The following FBXL6 variants were observed in gnomAD, a reference collection of about 807,000 sequenced individuals.
FBXL6 encodes F-box and leucine rich repeat protein 6.
FBXL6 carries 50 observed loss-of-function variants against 53.3 expected under a neutral mutation model. The observed-to-expected ratio is 0.94, with a 90% CI of 0.75 to 1.19. The LOEUF is 1.19. Ranked by LOEUF, FBXL6 falls within the 50% of genes most tolerant of loss-of-function variation. FBXL6 has a pLI of 0.00. For synonymous variants in FBXL6, 405 were observed against 322.9 expected, an observed-to-expected ratio of 1.25 and a Z score of -2.73; for missense variants, 815 against 719.0, an observed-to-expected ratio of 1.13 and a Z score of -1.53.
intron 2 of FBXL6, 44 bp from the exon 3 acceptor site, chr8:144,357,546 G>A: frequency 3.7e-6 from 6 of 1,612,572 alleles, no homozygotes; most frequent in Admixed American, 1.7e-5. Flanking sequence ...GTTCCCACAC[G>A]AGTCCTTCCC....
chr8:144,356,949 G>A (rs564523873), intron 4 of FBXL6, 34 bp from the exon 5 acceptor site: 39 of 1,613,088 alleles, frequency 2.4e-5, no homozygotes, highest in African/African-American at 1.2e-4. Context: ...CCGTCACCCC[G>A]GCCTGGGTTT....
Position 144,357,664 on chromosome 8 carries a change from T to C in FBXL6, c.539A>G (p.Lys180Arg). 1 of 1,610,810 alleles carries C rather than the reference T, an allele frequency of 6.2e-7. No homozygotes were observed. Among genetic ancestry groups the C allele is most frequent in the Non-Finnish European group, 8.5e-7 (1 of 1,178,666 alleles). The change falls in exon 2 of 9, where the codon AAG (lysine) becomes AGG (arginine). Residue 180 changes from lysine to arginine, a missense_variant. Transcript: ENST00000331890. ...AAGCCACTCCAGGGAAGCAAGGAGC[T>C]TCTTCTCCGCCTTGACCCCGCCCTT... is the stretch of plus-strand genomic sequence containing the variant. ...PAKGGVKAEK[K>R]LLASLEWLMP...
Position 144,358,167 on chromosome 8 carries a change from G to A in FBXL6, c.281C>T (p.Ala94Val). ...GLRSEAAAAP[A>V]PAPAPTPTPE... ...CGTGGGCGTGGGTGCCGGTGCGGGT[G>A]CGGGCGCGGCCGCCGCCTCGGACCT... The change falls in exon 1 of 9, where the codon GCA becomes GTA. Residue 94 changes from alanine to valine, a missense_variant. By Grantham distance (64) the Ala-to-Val change is moderately conservative. Coordinates refer to ENST00000331890, the MANE Select transcript of FBXL6 (RefSeq NM_012162.4). 6.7e-7 allele frequency: 1 copy of A among 1,494,266 alleles called. No homozygotes were observed. The highest frequency in any genetic ancestry group is 1.4e-5 in the African/African-American group (1 of 69,080). The allele number at this position is 1,494,266 out of a possible 1,614,324, so 92.6% of individuals were successfully genotyped here. A position where few individuals can be genotyped will look rare whatever the true frequency, so the allele number is the denominator to read the frequency against.
intron 8 of FBXL6, 32 bp downstream of exon 8, chr8:144,355,936 T>C (rs376870925): frequency 4.4e-6 from 7 of 1,607,348 alleles, no homozygotes; most frequent in Non-Finnish European, 6.0e-6. Flanking sequence ...ACAGCCACAC[T>C]GGCTCCAGGG....
In FBXL6 at chr8:144,357,678, G is replaced by C. The variant is rs574465913; in HGVS notation, c.525C>G (p.Val175=). ...AAGCAAGGAGCTTCTTCTCCGCCTT[G>C]ACCCCGCCCTTGGCAGGCCGGCCGA... ...PLVGRPAKGG[V]KAEKKLLASL... Residue 175 remains valine, a synonymous_variant, in exon 2 of 9, where the codon GTC becomes GTG. Transcript: ENST00000331890. The C allele has an allele frequency of 1.2e-6, 2 of 1,610,982 alleles. No individual in the cohort carries two copies. Among genetic ancestry groups the C allele is most frequent in the South Asian group, 2.2e-5 (2 of 90,964 alleles).
At position 144,356,352 on chromosome 8, in the gene FBXL6, A is replaced by G. The variant is rs1554852781; in HGVS notation, c.1173T>C (p.Leu391=). ...HGSPNLRLLD[L]RGCARITPAG... ...CCGGCGTGATGCGCGCACAGCCACG[A>G]AGATCCAGTAAGCGCAGGTTGGGAG... The change falls in exon 7 of 9, where the codon CTT becomes CTC. Residue 391 remains leucine, a synonymous_variant. Transcript: ENST00000331890. The G allele has an allele frequency of 8.2e-7, 1 of 1,219,020 alleles. No homozygotes were observed. Among genetic ancestry groups the G allele is most frequent in the South Asian group, 2.0e-5 (1 of 50,460 alleles). 75.5% of individuals were successfully genotyped at this position (1,219,020 alleles called of 1,614,324 possible).
chr8:144,357,989 C>G, intron 1 of FBXL6, 43 bp downstream of exon 1: 2 of 1,562,386 alleles, frequency 1.3e-6, no homozygotes, highest in Non-Finnish European at 1.7e-6. Context: ...CCACGTCTGG[C>G]CCAAGCCGCT....
intron 6 of FBXL6, 33 bp downstream of exon 6, chr8:144,356,567 T>C: frequency 1.2e-6 from 2 of 1,611,830 alleles, no homozygotes; most frequent in Non-Finnish European, 1.7e-6. Flanking sequence ...TGGGGGAGGG[T>C]GTGACAGGTG....
In FBXL6 at chr8:144,358,212, G is replaced by A; in HGVS notation, c.236C>T (p.Ala79Val). 8.2e-7 allele frequency: 1 copy of A among 1,221,026 alleles called. No homozygotes were observed. Among genetic ancestry groups the A allele is most frequent in the South Asian group, 3.9e-5 (1 of 25,764 alleles). 75.6% of individuals were successfully genotyped at this position (1,221,026 alleles called of 1,614,324 possible). Reference protein sequence around the residue: ...RQPPRGPSAAAKPKAGLRSEA... With the variant: ...RQPPRGPSAAVKPKAGLRSEA... Reference sequence around the variant, plus strand: ...GGACCTGAGCCCGGCCTTGGGCTTGGCCGCGGCGCTGGGGCCCCGGGGCGG... The same window carrying A: ...GGACCTGAGCCCGGCCTTGGGCTTGACCGCGGCGCTGGGGCCCCGGGGCGG... The change falls in exon 1 of 9, where the codon GCC becomes GTC. Residue 79 changes from alanine to valine, a missense_variant. Coordinates refer to ENST00000331890, the MANE Select transcript of FBXL6 (RefSeq NM_012162.4).
chr8:144,357,559 C>A (rs1818514959), intron 2 of FBXL6, 57 bp from the exon 3 acceptor site: 1 of 1,611,712 alleles, frequency 6.2e-7, no homozygotes, highest in Admixed American at 1.7e-5. Context: ...TCCTTCCCAC[C>A]CAACACCTTG....
intron 1 of FBXL6, 52 bp downstream of exon 1, chr8:144,357,980 C>A: frequency 6.5e-7 from 1 of 1,539,356 alleles, no homozygotes; most frequent in South Asian, 1.2e-5. Flanking sequence ...CCGCTCGGAC[C>A]ACGTCTGGCC....
intron 1 of FBXL6, 77 bp downstream of exon 1, chr8:144,357,954 GC>G: frequency 6.8e-7 from 1 of 1,474,774 alleles, no homozygotes; most frequent in Non-Finnish European, 8.9e-7. Flanking sequence ...TTCGCCCTCC[GC>G]CCCCGCCCGG....
rs1398177930 is a variant in FBXL6 at position 144,356,080 on chromosome 8, C to G, written c.1360G>C (p.Glu454Gln). The change falls in exon 8 of 9, where the codon GAG (glutamate) becomes CAG (glutamine). Residue 454 changes from glutamate to glutamine, a missense_variant. Coordinates refer to ENST00000331890, the MANE Select transcript of FBXL6 (RefSeq NM_012162.4). ...GCCAGGGCCTGCTCCAGGTCCTTCT[C>G]ACTGAACCCCTGGCCACTCAAGTCC... Reference protein sequence around the residue: ...ELDLSGQGFSEKDLEQALAAF... With the variant: ...ELDLSGQGFSQKDLEQALAAF... The G allele has an allele frequency of 6.2e-7, 1 of 1,612,978 alleles. No individual in the cohort carries two copies. The highest frequency in any genetic ancestry group is 1.1e-5 in the South Asian group (1 of 91,084).
At position 144,356,638 on chromosome 8, in the gene FBXL6, G is replaced by GC. The variant is rs1207072354; in HGVS notation, c.954dup (p.Pro319AlafsTer39). 1 of 1,612,974 alleles carries GC rather than the reference G, an allele frequency of 6.2e-7. No homozygotes were observed. Among genetic ancestry groups the GC allele is most frequent in the Non-Finnish European group, 8.5e-7 (1 of 1,180,014 alleles). On this transcript the variant is annotated frameshift_variant, in exon 6 of 9. Transcript: ENST00000331890. LOFTEE classifies it high-confidence loss of function. ...CAGCCTTTCTGCAGAGCCTCGACAG[G>GC]CAGCTGAAGGGGAATGCTATTACGG...
chr8:144,355,599 C>T lies in FBXL6; in HGVS notation c.1552G>A (p.Ala518Thr), dbSNP rs1210423058. Residue 518 changes from alanine to threonine, a missense_variant, in exon 9 of 9, where the codon GCC becomes ACC. By Grantham distance (58) the Ala-to-Thr change is moderately conservative (BLOSUM62 0). Coordinates refer to ENST00000331890, the MANE Select transcript of FBXL6 (RefSeq NM_012162.4). ...CRCLPRGLKRAYRGLEEVQWC... is the reference protein window; with the variant it reads ...CRCLPRGLKRTYRGLEEVQWC... ...TGGACTTCCTCCAGGCCCCGGTAGG[C>T]CCGCTTCAGACCCCGGGGAAGGCAG... The T allele has an allele frequency of 3.7e-6, 6 of 1,611,138 alleles. No individual in the cohort carries two copies. Among genetic ancestry groups the T allele is most frequent in the Non-Finnish European group, 5.1e-6 (6 of 1,179,932 alleles).
In FBXL6 at chr8:144,356,138, CA is replaced by C. The variant is rs782643612; in HGVS notation, c.1301del (p.Leu434Ter). ...GCAGTGTATGGCACCACTTCTGGGT[CA>C]AAAAGGGGCTGCCCTCCTTGGCTAG... ...LTLAKEGSPF[L>X]TQKWCHTLRE... On this transcript the variant is annotated frameshift_variant, in exon 8 of 9. Coordinates refer to ENST00000331890, the MANE Select transcript of FBXL6 (RefSeq NM_012162.4). LOFTEE classifies it high-confidence loss of function. 6.2e-7 allele frequency: 1 copy of C among 1,612,934 alleles called. No individual in the cohort carries two copies. Among genetic ancestry groups the C allele is most frequent in the Non-Finnish European group, 8.5e-7 (1 of 1,180,006 alleles).
chr8:144,356,380 C>A lies in FBXL6; in HGVS notation c.1145G>T (p.Gly382Val), dbSNP rs150083531. The change falls in exon 7 of 9, where the codon GGC becomes GTC. Residue 382 changes from glycine (G) to valine (V), a missense_variant. Coordinates refer to ENST00000331890, the MANE Select transcript of FBXL6 (RefSeq NM_012162.4). ...SNEVLGRLLH[G>V]SPNLRLLDLR... ...ATCCAGTAAGCGCAGGTTGGGAGAG[C>A]CGTGGAGTAGGCGGCCCAGGACCTC... 2.2e-6 allele frequency: 3 copies of A among 1,379,392 alleles called. No homozygotes were observed. Among genetic ancestry groups the A allele is most frequent in the Non-Finnish European group, 1.9e-6 (2 of 1,061,578 alleles). The allele number at this position is 1,379,392 out of a possible 1,614,324, so 85.4% of individuals were successfully genotyped here.
In FBXL6 at chr8:144,357,706, A is replaced by AGC; in HGVS notation, c.495_496dup (p.Leu166ArgfsTer35). The AGC allele has an allele frequency of 6.2e-7, 1 of 1,609,966 alleles. No individual in the cohort carries two copies. The highest frequency in any genetic ancestry group is 8.5e-7 in the Non-Finnish European group (1 of 1,178,748). On this transcript the variant is annotated frameshift_variant, in exon 2 of 9. Transcript: ENST00000331890. LOFTEE classifies it high-confidence loss of function. ...CCCGCCCTTGGCAGGCCGGCCGACC[A>AGC]GCGGGGACGACAGGGTCACGGTGTG...
At chr8:144,355,841 G>T (rs771083348) in intron 8 of FBXL6, 127 bp downstream of exon 8, 2 of 1,539,366 alleles carry the variant, frequency 1.3e-6, no homozygotes, top group Non-Finnish European at 1.8e-6. Flanking sequence ...CCACGCAGGG[G>T]CTTGGACAGT....
Sources: gnomAD v4.1 joint callset for allele counts on GRCh38, gnomAD v4.1.1 for gene constraint, MANE v1.5 for transcripts, NCBI Gene and HGNC (gene_info 2026-07-23, HGNC 2026-07-21) for gene names.